Variants in ASMT observed in about 807,000 individuals in gnomAD.
The protein encoded by ASMT is acetylserotonin O-methyltransferase, also known as acetylserotonin N-methyltransferase.
In ASMT, 53 loss-of-function variants were observed where a neutral mutation model predicts 41.3. The observed-to-expected ratio is 1.28, with a 90% CI of 1.03 to 1.61. ASMT has a LOEUF of 1.61. Among genes scored for constraint, ASMT ranks in the 40% most tolerant of loss-of-function variants. ASMT has a pLI of 0.00. For missense variants in ASMT, 531 were observed against 441.3 expected (o/e 1.20, Z -1.82); for synonymous variants, 231 against 184.8 (o/e 1.25, Z -2.03).
intron 4 of ASMT, 128 bp downstream of exon 4, chrX:1,627,899 A>G: frequency 1.1e-6 from 1 of 917,542 alleles, no homozygotes; most frequent in Non-Finnish European, 1.8e-6. Flanking sequence ...ATTTAAAATA[A>G]CATCCCCTAT....
rs561737924 is a variant in ASMT at position 1,637,215 on chromosome X, A to C, written c.910+655A>C. On this transcript the variant is annotated intron_variant, in intron 8 of 8. Transcript: ENST00000381241. The stretch of plus-strand genomic sequence containing the variant: ...TGTGAGGTCCATCCATCCTGATGGC[A>C]CATGAGGATGTGGACACAGCCTCTG... Among the ~76,000 whole-genome samples, 13 of 22,048 alleles carry C rather than the reference A, an allele frequency of 5.9e-4. 1 individual carries two copies. In the East Asian group the frequency reaches 0.012, roughly 20 times the overall value. 14.5% of individuals were successfully genotyped at this position (22,048 alleles called of 152,430 possible). A position where few individuals can be genotyped will look rare whatever the true frequency, so the allele number is the denominator to read the frequency against.
rs866792884 is a variant in ASMT at position 1,637,006 on chromosome X, G to A, written c.910+446G>A. On this transcript the variant is annotated intron_variant, in intron 8 of 8. Transcript: ENST00000381241. Reference sequence around the variant, plus strand: ...GTGGGCACAGCCTCTGTGTGTGATGGGGACAGTGTCCCAGCTCTCCTGTGA... The same window carrying A: ...GTGGGCACAGCCTCTGTGTGTGATGAGGACAGTGTCCCAGCTCTCCTGTGA... Among the ~76,000 whole-genome samples, 60 of 38,900 alleles carry A rather than the reference G, an allele frequency of 1.5e-3. 7 individuals are homozygous for A. The highest frequency in any genetic ancestry group is 1.9e-3 in the Non-Finnish European group (41 of 21,384). The allele number at this position is 38,900 out of a possible 152,430, so 25.5% of individuals were successfully genotyped here. A position where few individuals can be genotyped will look rare whatever the true frequency, so the allele number is the denominator to read the frequency against.
In ASMT at chrX:1,636,563, A is replaced by G; in HGVS notation, c.910+3A>G. ...GATCTACCACACTTGCAAGCCAGGT[A>G]AGTTGTGGGGTTTGCATTTCAGCGT... On this transcript the variant is annotated splice_donor_region_variant and intron_variant, in intron 8 of 8. Transcript: ENST00000381241. 1 of 1,609,188 alleles carries G rather than the reference A, an allele frequency of 6.2e-7. No individual in the cohort carries two copies. Among genetic ancestry groups the G allele is most frequent in the Non-Finnish European group, 8.5e-7 (1 of 1,178,702 alleles).
intron 4 of ASMT, among the ~76,000 whole-genome samples, chrX:1,628,757 T>C (rs1934655088): frequency 6.6e-6 from 1 of 150,734 alleles, no homozygotes; most frequent in South Asian, 2.1e-4. Context: ...TCCTCTCTCT[T>C]CTTCCCTCTC....
intron 4 of ASMT, 141 bp from the exon 5 acceptor site, chrX:1,629,679 TC>T (rs1364094811): frequency 2.4e-6 from 2 of 834,012 alleles, no homozygotes; most frequent in Non-Finnish European, 4.3e-6. Context: ...CCGAATGACT[TC>T]CTGTTCCATT....
chrX:1,615,716 C>T (rs768095761), intron 1 of ASMT, among the ~76,000 whole-genome samples: 29 of 151,864 alleles, frequency 1.9e-4, no homozygotes, highest in African/African-American at 4.8e-4. Context: ...GCAGGAGAAT[C>T]GCTTGAACCT....
chrX:1,620,799 G>T (rs1474487847), intron 1 of ASMT, among the ~76,000 whole-genome samples: 1 of 152,176 alleles, frequency 6.6e-6, no homozygotes. Context: ...TGAGGCAGGA[G>T]AATGGCTTGA....
intron 8 of ASMT, among the ~76,000 whole-genome samples, chrX:1,641,518 C>CTG (rs1305606374): frequency 9.5e-5 from 14 of 147,792 alleles, no homozygotes; most frequent in East Asian, 4.1e-4. Flanking sequence ...AGCACAGCCT[C>CTG]TGTGTGTGTG....
chrX:1,622,757 CA>C (rs1286559118), intron 1 of ASMT, among the ~76,000 whole-genome samples: 3 of 150,604 alleles, frequency 2.0e-5, no homozygotes, highest in Admixed American at 6.6e-5. Flanking sequence ...ACTAAAAACA[CA>C]AAAATTAGAC....
intron 8 of ASMT, 51 bp downstream of exon 8, chrX:1,636,611 T>C (rs1246164328): frequency 1.9e-6 from 3 of 1,613,190 alleles, no homozygotes; most frequent in South Asian, 1.1e-5. Context: ...CGGGGCAGAA[T>C]TGTACGAGTC....
chrX:1,642,677 A>G, intron 8 of ASMT, 126 bp from the exon 9 acceptor site: 1 of 836,160 alleles, frequency 1.2e-6, no homozygotes, highest in Non-Finnish European at 2.0e-6. Context: ...ACAGCCTCTG[A>G]GTGTGTGATG....
chrX:1,615,250 C>A lies in ASMT; in HGVS notation c.51C>A (p.Asn17Lys), dbSNP rs17149149. 3.1e-3 allele frequency: 4,954 copies of A among 1,595,758 alleles called. 126 individuals carry two copies. The South Asian group carries it at 0.038, about 12-fold the overall frequency. Residue 17 changes from asparagine (N) to lysine (K), a missense_variant, in exon 1 of 9, where the codon AAC (asparagine) becomes AAA (lysine). Physicochemically the swap from Asn to Lys is moderately conservative, Grantham distance 94. Coordinates refer to ENST00000381241, the MANE Select transcript of ASMT (RefSeq NM_001171038.2). ...QAYRLLNDYA[N>K]GFMVSQVLFA... ...ATCGCCTCCTTAATGACTACGCCAA[C>A]GGCTTCATGGTGTCCCAGGTAGGAT... is the stretch of plus-strand genomic sequence containing the variant.
At chrX:1,636,270 A>G in intron 7 of ASMT, 168 bp from the exon 8 acceptor site, 2 of 1,038,774 alleles carry the variant, frequency 1.9e-6, no homozygotes, top group Admixed American at 1.7e-5. Flanking sequence ...GTATTTTCTT[A>G]TCTTTCTCCT....
At chrX:1,626,110 A>C (rs1244376128) in intron 3 of ASMT, among the ~76,000 whole-genome samples, 1 of 152,152 alleles carries the variant, frequency 6.6e-6, no homozygotes, top group Non-Finnish European at 1.5e-5. Context: ...TGGATCAGAA[A>C]AAAGGAAGGA....
intron 7 of ASMT, among the ~76,000 whole-genome samples, chrX:1,633,631 A>T (rs1326317086): frequency 7.0e-6 from 1 of 143,008 alleles, no homozygotes; most frequent in Non-Finnish European, 1.5e-5. Context: ...ATGCGCCACC[A>T]CATCCAGCTA....
At chrX:1,616,922 A>G (rs752284041) in intron 1 of ASMT, among the ~76,000 whole-genome samples, 1 of 151,584 alleles carries the variant, frequency 6.6e-6, no homozygotes, top group Non-Finnish European at 1.5e-5. Context: ...GTTAGCCAGG[A>G]TGGTCTCGAT....
intron 1 of ASMT, among the ~76,000 whole-genome samples, chrX:1,616,030 C>G (rs1158634289): frequency 1.4e-5 from 2 of 141,522 alleles, no homozygotes; most frequent in South Asian, 2.4e-4. Context: ...CACCTCATTC[C>G]TTTTTTTTAT....
At chrX:1,624,156 A>G in intron 2 of ASMT, 113 bp from the exon 3 acceptor site, 1 of 1,406,502 alleles carries the variant, frequency 7.1e-7, no homozygotes. Flanking sequence ...TCTCTAAAGA[A>G]GAGATGGGCT....
In ASMT at chrX:1,628,943, TTTCTTTCTTTCC is replaced by T. The variant is rs386823278; in HGVS notation, c.444-857_444-846del. The stretch of plus-strand genomic sequence containing the variant: ...GTTTCTCTCTTTCTTTCTCTCTCTC[TTTCTTTCTTTCC>T]TTCTTTCTTTCCTTCTTTCTCCTTC... On this transcript the variant is annotated intron_variant, in intron 4 of 8. Coordinates refer to ENST00000381241, the MANE Select transcript of ASMT (RefSeq NM_001171038.2). 4.7e-4 allele frequency among the ~76,000 whole-genome samples: 67 copies of T among 144,074 alleles called. 3 individuals are homozygous for T. Among genetic ancestry groups the T allele is most frequent in the African/African-American group, 8.0e-4 (31 of 38,548 alleles). 94.5% of individuals were successfully genotyped at this position (144,074 alleles called of 152,430 possible).
Sources: allele counts gnomAD v4.1 joint callset (sites outside exome capture counted in the v4.1 genomes callset), GRCh38; gene constraint gnomAD v4.1.1; transcripts MANE v1.5; gene names NCBI Gene and HGNC (gene_info 2026-07-23, HGNC 2026-07-21).